Variants in BTNL8 observed in about 807,000 individuals in gnomAD.
BTNL8 encodes the protein butyrophilin like 8.
BTNL8 carries 22 observed loss-of-function variants against 36.1 expected under a neutral mutation model. The ratio of observed to expected loss-of-function variants is 0.61; its 90% CI spans 0.44 to 0.87. The LOEUF (loss-of-function observed/expected upper bound fraction) is 0.87, where lower values mean the gene tolerates loss of function less well. BTNL8 is among the 40% of genes least tolerant of loss of function. The pLI is 0.00. For missense variants in BTNL8, 526 were observed against 616.9 expected (o/e 0.85, Z 1.56); for synonymous variants, 203 against 235.6 (o/e 0.86, Z 1.27).
chr5:180,902,244 C>G lies in BTNL8; in HGVS notation c.49+2885C>G, dbSNP rs1756853413. ...GGGAGAGAATGTGGCAATAGAACCT[C>G]CTGGAATCAAAGGGTCTACATTCAG... On this transcript the variant is annotated intron_variant, in intron 1 of 7. Transcript: ENST00000340184. 7 of 1,048,338 alleles carry G rather than the reference C, an allele frequency of 6.7e-6. No individual in the cohort carries two copies. The South Asian group carries it at 1.1e-4, about 17-fold the overall frequency. The allele number at this position is 1,048,338 out of a possible 1,614,324, so 64.9% of individuals were successfully genotyped here.
At chr5:180,929,561 C>T (rs1414026294) in intron 3 of BTNL8, among the ~76,000 whole-genome samples, 4 of 150,434 alleles carry the variant, frequency 2.7e-5, no homozygotes, top group East Asian at 1.9e-4. Flanking sequence ...ATAGATAGAC[C>T]GTTAGTGAGA....
At chr5:180,922,646 T>C (rs1757921527) in intron 3 of BTNL8, among the ~76,000 whole-genome samples, 1 of 95,976 alleles carries the variant, frequency 1.0e-5, no homozygotes, top group Admixed American at 1.0e-4. Context: ...TGCTATGTAG[T>C]GATAAGAAGA....
intron 3 of BTNL8, among the ~76,000 whole-genome samples, chr5:180,934,641 T>G (rs1758560819): frequency 6.6e-6 from 1 of 152,186 alleles, no homozygotes; most frequent in African/African-American, 2.4e-5. Context: ...TCAGATGCAC[T>G]GCAAGTAGCT....
intron 1 of BTNL8, among the ~76,000 whole-genome samples, chr5:180,902,579 G>T (rs1756877628): frequency 6.6e-6 from 1 of 151,372 alleles, no homozygotes; most frequent in Admixed American, 6.6e-5. Context: ...CATTGTGCAG[G>T]TTAGTTACAT....
At chr5:180,916,781 G>A (rs182955305) in intron 3 of BTNL8, among the ~76,000 whole-genome samples, 46 of 152,310 alleles carry the variant, frequency 3.0e-4, no homozygotes, top group Non-Finnish European at 5.9e-4. Flanking sequence ...TATTTTTCAT[G>A]TCTCAAATGG....
chr5:180,938,545 T>TTTC (rs772140231), intron 3 of BTNL8, among the ~76,000 whole-genome samples: 939 of 93,550 alleles, frequency 0.01, 21 homozygotes, highest in East Asian at 0.091. Flanking sequence ...CCTTTCTTTC[T>TTTC]TTTTTTTTTT....
intron 3 of BTNL8, among the ~76,000 whole-genome samples, chr5:180,946,716 A>G (rs1055166762): frequency 6.6e-6 from 1 of 152,260 alleles, no homozygotes; most frequent in East Asian, 1.9e-4. Context: ...TGTAGTTAAC[A>G]ATAATATATT....
At chr5:180,945,752 C>T (rs928963076) in intron 3 of BTNL8, 4 of 497,698 alleles carry the variant, frequency 8.0e-6, no homozygotes, top group Non-Finnish European at 1.6e-5. Flanking sequence ...CTCCTGAGAG[C>T]AAGATGGGTC....
At chr5:180,909,511 T>C (rs1757286673) in intron 2 of BTNL8, 2 of 985,538 alleles carry the variant, frequency 2.0e-6, no homozygotes, top group African/African-American at 3.5e-5. Flanking sequence ...AGCTGTGACT[T>C]CCCCTGACAA....
chr5:180,929,315 T>G (rs533886343), intron 3 of BTNL8, among the ~76,000 whole-genome samples: 1 of 152,138 alleles, frequency 6.6e-6, no homozygotes, highest in Non-Finnish European at 1.5e-5. Context: ...GCTAAAGCAC[T>G]GTTTAGAGAG....
At chr5:180,942,978 ATAAT>A (rs377723141) in intron 3 of BTNL8, among the ~76,000 whole-genome samples, 8 of 152,118 alleles carry the variant, frequency 5.3e-5, no homozygotes, top group African/African-American at 1.7e-4. Flanking sequence ...AACAAAGGAA[ATAAT>A]TAACAGAGTG....
rs3733756 is a variant in BTNL8, at chr5:180,947,534, G to A, written c.696G>A (p.Ser232=). Reference sequence around the variant, plus strand: ...CAGATACCTTTTTCGAGCCTATATCGTGGCACCTGGCTACCAAAGTACTGG... The same window carrying A: ...CAGATACCTTTTTCGAGCCTATATCATGGCACCTGGCTACCAAAGTACTGG... ...QIGDTFFEPI[S]WHLATKVLGI... Residue 232 remains serine, a synonymous_variant, in exon 4 of 8, where the codon TCG becomes TCA. Coordinates refer to ENST00000340184, the MANE Select transcript of BTNL8 (RefSeq NM_001040462.3). The A allele has an allele frequency of 0.41, 656,627 of 1,611,096 alleles. 137,921 individuals are homozygous for A. Among genetic ancestry groups the A allele is most frequent in the African/African-American group, 0.64 (47,696 of 74,882 alleles).
At chr5:180,900,763 G>T (rs182298683) in intron 1 of BTNL8, among the ~76,000 whole-genome samples, 14 of 152,312 alleles carry the variant, frequency 9.2e-5, no homozygotes, top group African/African-American at 3.4e-4. Flanking sequence ...TAGAGGGTGC[G>T]CTAATGAGCG....
chr5:180,918,024 G>A (rs1342521949), intron 3 of BTNL8, among the ~76,000 whole-genome samples: 1 of 116,662 alleles, frequency 8.6e-6, no homozygotes, highest in Non-Finnish European at 1.7e-5. Context: ...GTGAGATTCT[G>A]TCTCAAAAAA....
At chr5:180,943,165 C>T (rs1165546618) in intron 3 of BTNL8, among the ~76,000 whole-genome samples, 5 of 128,640 alleles carry the variant, frequency 3.9e-5, no homozygotes, top group South Asian at 2.4e-4. Context: ...GGCAGAGTCT[C>T]GCTCTGTCGC....
chr5:180,928,443 G>C (rs1015850678), intron 3 of BTNL8, among the ~76,000 whole-genome samples: 2 of 152,134 alleles, frequency 1.3e-5, no homozygotes, highest in Non-Finnish European at 2.9e-5. Flanking sequence ...AATAATGACA[G>C]GATCAAATTC....
intron 2 of BTNL8, among the ~76,000 whole-genome samples, chr5:180,910,728 T>C (rs1757348679): frequency 6.6e-6 from 1 of 152,156 alleles, no homozygotes; most frequent in Non-Finnish European, 1.5e-5. Flanking sequence ...AAAGGCAAAC[T>C]CCAAGACACT....
intron 3 of BTNL8, among the ~76,000 whole-genome samples, chr5:180,915,997 A>G (rs1009425668): frequency 2.6e-5 from 4 of 152,234 alleles, no homozygotes; most frequent in African/African-American, 9.7e-5. Context: ...GTAATTGATA[A>G]TGAACAGAGG....
At chr5:180,914,345 A>G (rs759691475) in intron 3 of BTNL8, among the ~76,000 whole-genome samples, 27 of 152,214 alleles carry the variant, frequency 1.8e-4, no homozygotes, top group Non-Finnish European at 3.1e-4. Context: ...TCAGATGCCA[A>G]ATCTATTGAT....
Sources: gnomAD v4.1 joint callset for allele counts (sites outside exome capture counted in the v4.1 genomes callset) on GRCh38, gnomAD v4.1.1 for gene constraint, MANE v1.5 for transcripts, NCBI Gene and HGNC (gene_info 2026-07-23, HGNC 2026-07-21) for gene names.